The following L3MBTL4 variants were observed in gnomAD, a reference collection of about 807,000 sequenced individuals.
L3MBTL4 encodes the protein lethal(3)malignant brain tumor-like protein 4.
In L3MBTL4, 70 loss-of-function variants were observed where a neutral mutation model predicts 84.5. The observed-to-expected ratio is 0.83, with a 90% CI of 0.68 to 1.01. The LOEUF (loss-of-function observed/expected upper bound fraction) is 1.01. Among genes scored for constraint, L3MBTL4 ranks in the 50% least tolerant of loss-of-function variants. The pLI is 0.00. For synonymous variants in L3MBTL4, 274 were observed against 259.8 expected (o/e 1.05, Z -0.52); for missense variants, 715 against 754.8 (o/e 0.95, Z 0.62).
At chr18:6,026,118 T>C (rs778218877) in intron 16 of L3MBTL4, among the ~76,000 whole-genome samples, 2 of 152,238 alleles carry the variant, frequency 1.3e-5, no homozygotes, top group Non-Finnish European at 2.9e-5. Flanking sequence ...TTTCCTCCCA[T>C]TGATTCTTTC....
chr18:6,084,122 A>G (rs1477525035), intron 15 of L3MBTL4, among the ~76,000 whole-genome samples: 1 of 152,246 alleles, frequency 6.6e-6, no homozygotes, highest in Non-Finnish European at 1.5e-5. Context: ...CATAATAAGT[A>G]GAAGAACTAG....
At chr18:6,098,364 C>A (rs554020479) in intron 14 of L3MBTL4, among the ~76,000 whole-genome samples, 1 of 152,306 alleles carries the variant, frequency 6.6e-6, no homozygotes, top group South Asian at 2.1e-4. Flanking sequence ...CTCCAGCAAC[C>A]TCTAGGCTCT....
At chr18:6,412,259 T>C (rs925563236) in intron 1 of L3MBTL4, among the ~76,000 whole-genome samples, 12 of 152,164 alleles carry the variant, frequency 7.9e-5, no homozygotes, top group Non-Finnish European at 1.5e-4. Context: ...CAATCCAGTG[T>C]TGTATAAATG....
intron 14 of L3MBTL4, among the ~76,000 whole-genome samples, chr18:6,118,527 C>A (rs767510614): frequency 6.6e-6 from 1 of 152,058 alleles, no homozygotes; most frequent in Non-Finnish European, 1.5e-5. Flanking sequence ...TGCTTAAGGG[C>A]ATTCAATACA....
chr18:6,290,633 T>G (rs2049818951), intron 4 of L3MBTL4, among the ~76,000 whole-genome samples: 1 of 152,080 alleles, frequency 6.6e-6, no homozygotes, highest in African/African-American at 2.4e-5. Context: ...GTTCAACCAA[T>G]TCTCCTGCCT....
chr18:6,024,529 G>C (rs1039185972), intron 16 of L3MBTL4, among the ~76,000 whole-genome samples: 1 of 152,062 alleles, frequency 6.6e-6, no homozygotes, highest in African/African-American at 2.4e-5. Context: ...CTAAATTATA[G>C]TCACTAAAGC....
intron 12 of L3MBTL4, among the ~76,000 whole-genome samples, chr18:6,200,982 A>C (rs2045625571): frequency 6.6e-6 from 1 of 152,210 alleles, no homozygotes; most frequent in Non-Finnish European, 1.5e-5. Flanking sequence ...TACAACTCAC[A>C]TTCATTCCTT....
At chr18:6,041,706 C>A (rs569553627) in intron 16 of L3MBTL4, among the ~76,000 whole-genome samples, 1 of 151,988 alleles carries the variant, frequency 6.6e-6, no homozygotes, top group Admixed American at 6.6e-5. Flanking sequence ...CTTTTCTATG[C>A]GCCCAGTGGA....
chr18:6,034,761 C>T (rs1157641283), intron 16 of L3MBTL4, among the ~76,000 whole-genome samples: 1 of 152,124 alleles, frequency 6.6e-6, no homozygotes, highest in Admixed American at 6.6e-5. Context: ...TACAGTCCCA[C>T]CAACAGTGTA....
rs2050348132 is a variant in L3MBTL4, at chr18:6,301,760, G to T, written c.127+143C>A. On this transcript the variant is annotated intron_variant, in intron 4 of 18. Transcript: ENST00000317931. ...GATGACACTGATAAAGTCTGCAGAA[G>T]AGTATGCAATACCCTGAATAAATGG... is the stretch of plus-strand genomic sequence containing the variant. 2.1e-5 allele frequency: 14 copies of T among 682,076 alleles called. No individual in the cohort carries two copies. In the East Asian group the frequency reaches 3.8e-4, roughly 18 times the overall value. 42.3% of individuals were successfully genotyped at this position (682,076 alleles called of 1,614,324 possible).
At chr18:6,012,764 C>T (rs1940602) in intron 16 of L3MBTL4, among the ~76,000 whole-genome samples, 4,164 of 152,128 alleles carry the variant, frequency 0.027, 201 homozygotes, top group African/African-American at 0.097. Flanking sequence ...CAGAGCAAGA[C>T]CCTGTCTCTA....
At chr18:6,347,388 A>G (rs1327764612) in intron 1 of L3MBTL4, among the ~76,000 whole-genome samples, 1 of 151,914 alleles carries the variant, frequency 6.6e-6, no homozygotes, top group Non-Finnish European at 1.5e-5. Context: ...AAAAGAGAGT[A>G]AGAGAAAATT....
intron 5 of L3MBTL4, among the ~76,000 whole-genome samples, chr18:6,249,694 AT>A (rs1171227941): frequency 6.6e-6 from 1 of 152,148 alleles, no homozygotes; most frequent in Admixed American, 6.6e-5. Context: ...GGTTTTAAAA[AT>A]TTTTTCCTTT....
At chr18:6,322,559 T>C (rs938712626) in intron 1 of L3MBTL4, among the ~76,000 whole-genome samples, 1 of 150,876 alleles carries the variant, frequency 6.6e-6, no homozygotes, top group African/African-American at 2.4e-5. Context: ...TGCACTCCCA[T>C]GTTTACTGAA....
intron 5 of L3MBTL4, among the ~76,000 whole-genome samples, chr18:6,258,266 A>G (rs1353411962): frequency 2.6e-5 from 4 of 152,234 alleles, no homozygotes; most frequent in African/African-American, 4.8e-5. Flanking sequence ...ACAACACAGA[A>G]GGACGGCCAG....
intron 1 of L3MBTL4, among the ~76,000 whole-genome samples, chr18:6,385,829 T>C (rs1045122251): frequency 6.6e-6 from 1 of 152,228 alleles, no homozygotes; most frequent in African/African-American, 2.4e-5. Flanking sequence ...CAGCTAGTCC[T>C]TCACTTTCTC....
intron 15 of L3MBTL4, among the ~76,000 whole-genome samples, chr18:6,083,520 T>C (rs2058151974): frequency 6.6e-6 from 1 of 152,166 alleles, no homozygotes; most frequent in South Asian, 2.1e-4. Context: ...AAGAATCCAC[T>C]GCATACAGCC....
intron 4 of L3MBTL4, among the ~76,000 whole-genome samples, chr18:6,287,555 C>A (rs746573246): frequency 6.6e-6 from 1 of 152,176 alleles, no homozygotes; most frequent in Admixed American, 6.6e-5. Flanking sequence ...TCATTTTGAT[C>A]GCTGTGCTGT....
intron 4 of L3MBTL4, among the ~76,000 whole-genome samples, chr18:6,264,652 C>T (rs188674092): frequency 2.0e-5 from 3 of 152,086 alleles, no homozygotes; most frequent in South Asian, 2.1e-4. Flanking sequence ...GGCATCGTGG[C>T]GGGTGCCTGT....
Sources: allele counts gnomAD v4.1 joint callset (sites outside exome capture counted in the v4.1 genomes callset), GRCh38; gene constraint gnomAD v4.1.1; transcripts MANE v1.5; gene names NCBI Gene and HGNC (gene_info 2026-07-23, HGNC 2026-07-21).